The following FBXO11 variants were observed in gnomAD, a reference collection of about 807,000 sequenced individuals.
The protein encoded by FBXO11 is F-box only protein 11.
Under a neutral mutation model 117.0 loss-of-function variants are expected in FBXO11, and 13 were observed. That is an observed-to-expected ratio of 0.11 (90% confidence interval 0.07 to 0.18). The LOEUF is 0.18. FBXO11 is among the 10% of genes least tolerant of loss of function. The probability of loss-of-function intolerance (pLI) is 1.00; values close to 1 mark genes in which losing one functional copy is unlikely to be tolerated. For missense variants in FBXO11, 767 were observed against 1,164.4 expected, an observed-to-expected ratio of 0.66 and a Z score of 4.97; for synonymous variants, 490 against 380.5, an observed-to-expected ratio of 1.29 and a Z score of -3.35.
chr2:47,809,903 A>T (rs115359499), intron 19 of FBXO11, 196 bp from the exon 20 acceptor site: 2 of 542,200 alleles, frequency 3.7e-6, no homozygotes, highest in African/African-American at 3.9e-5. Context: ...TCAAAACTGC[A>T]ATTAACTTTC....
rs368510190 is a variant in FBXO11, at chr2:47,832,689, A to G, written c.1154-11T>C. ...ATACTGCAGAACCAACTGTAGAAAAATTATTTATTTATGTAAAAACCTACT... is the reference window on the plus strand; with the variant it reads ...ATACTGCAGAACCAACTGTAGAAAAGTTATTTATTTATGTAAAAACCTACT... On this transcript the variant is annotated splice_polypyrimidine_tract_variant and intron_variant, in intron 9 of 22. Transcript: ENST00000403359. 56 of 1,612,354 alleles carry G rather than the reference A, an allele frequency of 3.5e-5. No individual in the cohort carries two copies. Among genetic ancestry groups the G allele is most frequent in the Non-Finnish European group, 4.5e-5 (53 of 1,179,040 alleles).
intron 1 of FBXO11, among the ~76,000 whole-genome samples, chr2:47,884,225 T>C (rs1011747861): frequency 1.3e-5 from 2 of 152,058 alleles, no homozygotes; most frequent in East Asian, 3.9e-4. Flanking sequence ...TCTCAAGAAA[T>C]AAATAAATAA....
intron 1 of FBXO11, among the ~76,000 whole-genome samples, chr2:47,840,301 G>A (rs1310071738): frequency 6.6e-6 from 1 of 152,006 alleles, no homozygotes; most frequent in Non-Finnish European, 1.5e-5. Flanking sequence ...AGAGGAGTGG[G>A]AAGGGAACTG....
chr2:47,899,232 C>T (rs1677911963), intron 1 of FBXO11, among the ~76,000 whole-genome samples: 1 of 149,570 alleles, frequency 6.7e-6, no homozygotes, highest in African/African-American at 2.5e-5. Context: ...CGAAATCGCG[C>T]CACTGTACTC....
In FBXO11 at chr2:47,826,992, C is replaced by T. The variant is rs150029337; in HGVS notation, c.1399-3632G>A. Among the ~76,000 whole-genome samples, 29 of 152,262 alleles carry T rather than the reference C, an allele frequency of 1.9e-4. No homozygotes were observed. In the East Asian group the frequency reaches 5.6e-3, roughly 29 times the overall value. On this transcript the variant is annotated intron_variant, in intron 11 of 22. Coordinates refer to ENST00000403359, the MANE Select transcript of FBXO11 (RefSeq NM_001190274.2). The stretch of plus-strand genomic sequence containing the variant: ...AACCTGCTCCAATCTGGTTGGCTGC[C>T]CTGGTCACAGGCATGCAGTCATTTA...
chr2:47,823,008 C>T (rs1044405161), intron 12 of FBXO11, 135 bp downstream of exon 12: 6 of 602,766 alleles, frequency 1.0e-5, no homozygotes, highest in Non-Finnish European at 1.7e-5. Context: ...GATGCACAGA[C>T]TTTAACTAGG....
chr2:47,901,992 A>G (rs964615943), intron 1 of FBXO11, among the ~76,000 whole-genome samples: 4 of 152,196 alleles, frequency 2.6e-5, no homozygotes, highest in South Asian at 2.1e-4. Flanking sequence ...CTGGAGTGCA[A>G]TGGTGTGATC....
intron 1 of FBXO11, among the ~76,000 whole-genome samples, chr2:47,848,268 G>C (rs1465434983): frequency 6.6e-6 from 1 of 152,226 alleles, no homozygotes; most frequent in African/African-American, 2.4e-5. Context: ...GTGAGTGGTA[G>C]GCGACCAAGC....
At chr2:47,889,087 T>A (rs1366305449) in intron 1 of FBXO11, among the ~76,000 whole-genome samples, 2 of 152,204 alleles carry the variant, frequency 1.3e-5, no homozygotes, top group East Asian at 1.9e-4. Flanking sequence ...TACTTTTTTT[T>A]ATAAGTTAGC....
intron 16 of FBXO11, among the ~76,000 whole-genome samples, chr2:47,817,881 C>T (rs1355145923): frequency 1.3e-5 from 2 of 152,218 alleles, no homozygotes; most frequent in Non-Finnish European, 1.5e-5. Context: ...GGTGTGGTGG[C>T]TCACGCCTGT....
At chr2:47,850,228 G>A (rs1294660015) in intron 1 of FBXO11, among the ~76,000 whole-genome samples, 2 of 152,144 alleles carry the variant, frequency 1.3e-5, no homozygotes, top group Non-Finnish European at 2.9e-5. Context: ...GGATGGTGGT[G>A]CCATGTACTA....
At chr2:47,864,462 C>T (rs1206856893) in intron 1 of FBXO11, among the ~76,000 whole-genome samples, 1 of 152,080 alleles carries the variant, frequency 6.6e-6, no homozygotes, top group Admixed American at 6.6e-5. Flanking sequence ...TGGTGCATGC[C>T]TGTAATCTCA....
At position 47,880,181 on chromosome 2, in the gene FBXO11, A is replaced by G. The variant is rs533966980; in HGVS notation, c.232+25308T>C. Among the ~76,000 whole-genome samples, 28 of 152,162 alleles carry G rather than the reference A, an allele frequency of 1.8e-4. No homozygotes were observed. The South Asian group carries it at 5.4e-3, about 29-fold the overall frequency. On this transcript the variant is annotated intron_variant, in intron 1 of 22. Coordinates refer to ENST00000403359, the MANE Select transcript of FBXO11 (RefSeq NM_001190274.2). ...CAGCTAATTTTTTTGTATTTTTGGTAGAGTCAGGGTTTTGTCATGCTGCCA... is the reference window on the plus strand; with the variant it reads ...CAGCTAATTTTTTTGTATTTTTGGTGGAGTCAGGGTTTTGTCATGCTGCCA...
rs775376571 is a variant in FBXO11, at chr2:47,832,306, T to C, written c.1398+43A>G. The C allele has an allele frequency of 3.3e-6, 5 of 1,512,170 alleles. No individual in the cohort carries two copies. The South Asian group carries it at 6.4e-5, about 19-fold the overall frequency. 93.7% of individuals were successfully genotyped at this position (1,512,170 alleles called of 1,614,324 possible). ...TGCTGAAACATACTTGGAATTTAAC[T>C]GATACAGAAGTCCGTTTTTCTATTA... On this transcript the variant is annotated intron_variant, in intron 11 of 22. Coordinates refer to ENST00000403359, the MANE Select transcript of FBXO11 (RefSeq NM_001190274.2).
chr2:47,891,871 G>C (rs1208357979), intron 1 of FBXO11, among the ~76,000 whole-genome samples: 1 of 152,100 alleles, frequency 6.6e-6, no homozygotes, highest in Admixed American at 6.5e-5. Flanking sequence ...GATGATTAAT[G>C]ATGTTGAGTC....
intron 1 of FBXO11, among the ~76,000 whole-genome samples, chr2:47,881,193 A>G (rs1366560839): frequency 6.6e-6 from 1 of 152,226 alleles, no homozygotes; most frequent in East Asian, 1.9e-4. Context: ...CGGAGGTTGC[A>G]GTGAGCCAAG....
intron 11 of FBXO11, among the ~76,000 whole-genome samples, chr2:47,829,062 C>T (rs565575639): frequency 6.6e-6 from 1 of 151,814 alleles, no homozygotes; most frequent in Admixed American, 6.6e-5. Context: ...GCTGGGATTA[C>T]AGGCACACGC....
chr2:47,890,419 T>C (rs780343918), intron 1 of FBXO11, among the ~76,000 whole-genome samples: 2 of 152,190 alleles, frequency 1.3e-5, no homozygotes, highest in Non-Finnish European at 2.9e-5. Flanking sequence ...ATTAAAAATA[T>C]GTAACATTTA....
intron 1 of FBXO11, among the ~76,000 whole-genome samples, chr2:47,900,631 CACACGT>C (rs199661372): frequency 5.4e-4 from 16 of 29,404 alleles, no homozygotes; most frequent in East Asian, 3.9e-3. Flanking sequence ...CACGTATACA[CACACGT>C]ACGTATATAC....
Sources: allele counts gnomAD v4.1 joint callset (sites outside exome capture counted in the v4.1 genomes callset), GRCh38; gene constraint gnomAD v4.1.1; transcripts MANE v1.5; gene names NCBI Gene and HGNC (gene_info 2026-07-23, HGNC 2026-07-21).